The following HEMK2 variants were observed in gnomAD, a reference collection of about 807,000 sequenced individuals.
The protein encoded by HEMK2 is methyltransferase HEMK2.
chr21:28,646,468 T>G, the HEMK2 span, among the ~76,000 whole-genome samples: 1 of 152,302 alleles, frequency 6.6e-6, no homozygotes, highest in East Asian at 1.9e-4. Context: ...CTTCAAAGGT[T>G]TGACCCAAAT....
At chr21:28,703,855 A>G in the HEMK2 span, among the ~76,000 whole-genome samples, 1 of 152,236 alleles carries the variant, frequency 6.6e-6, no homozygotes, top group Non-Finnish European at 1.5e-5. Context: ...TAGTAACACT[A>G]TATTTAATGA....
chr21:28,620,614 T>C, the HEMK2 span, among the ~76,000 whole-genome samples: 2,049 of 151,118 alleles, frequency 0.014, 29 homozygotes, highest in Non-Finnish European at 0.022. Context: ...GTGGTGATAT[T>C]CCCTTTATCA....
the HEMK2 span, among the ~76,000 whole-genome samples, chr21:28,640,206 A>T: frequency 6.6e-6 from 1 of 152,182 alleles, no homozygotes; most frequent in African/African-American, 2.4e-5. Flanking sequence ...ACAGTGTGGA[A>T]TTAGAAAATG....
At chr21:28,814,659 T>C in the HEMK2 span, among the ~76,000 whole-genome samples, 9 of 151,588 alleles carry the variant, frequency 5.9e-5, no homozygotes, top group Non-Finnish European at 7.4e-5. Context: ...ATCAGAGAAA[T>C]GCAAATCAAA....
the HEMK2 span, among the ~76,000 whole-genome samples, chr21:28,629,850 G>C: frequency 6.6e-6 from 1 of 152,092 alleles, no homozygotes; most frequent in Non-Finnish European, 1.5e-5. Flanking sequence ...TCAGGGGATC[G>C]AAGGACAAGC....
At chr21:28,865,352 G>A in the HEMK2 span, among the ~76,000 whole-genome samples, 2 of 152,096 alleles carry the variant, frequency 1.3e-5, no homozygotes, top group African/African-American at 2.4e-5. Context: ...TTTTAGTAGA[G>A]ATGTGGATTC....
At chr21:28,671,116 G>C in the HEMK2 span, 1 of 152,238 alleles carries the variant, frequency 6.6e-6, no homozygotes, top group African/African-American at 2.4e-5. Context: ...ACAAGGAGGG[G>C]CAAGAGCCTT....
At chr21:28,727,176 AG>A in the HEMK2 span, among the ~76,000 whole-genome samples, 2 of 152,196 alleles carry the variant, frequency 1.3e-5, no homozygotes, top group African/African-American at 4.8e-5. Flanking sequence ...AAGCAAATAT[AG>A]GGGATTTGAG....
chr21:28,796,712 A>G, the HEMK2 span, among the ~76,000 whole-genome samples: 4 of 152,176 alleles, frequency 2.6e-5, 1 homozygote, highest in African/African-American at 9.6e-5. Context: ...CCACAGGTAC[A>G]TGCCACTATA....
chr21:28,677,712 A>T, the HEMK2 span, among the ~76,000 whole-genome samples: 1 of 151,992 alleles, frequency 6.6e-6, no homozygotes, highest in Admixed American at 6.5e-5. Context: ...CCAGAGGAAC[A>T]ATCAGGCAGC....
At chr21:28,772,149 A>G in the HEMK2 span, among the ~76,000 whole-genome samples, 1 of 152,170 alleles carries the variant, frequency 6.6e-6, no homozygotes, top group East Asian at 1.9e-4. Flanking sequence ...CTGAAATCAA[A>G]GCCTAATTAG....
chr21:28,841,391 A>ATATTAT, the HEMK2 span, among the ~76,000 whole-genome samples: 4 of 29,248 alleles, frequency 1.4e-4, no homozygotes, highest in African/African-American at 2.3e-4. Flanking sequence ...TAATATATAA[A>ATATTAT]ATATTATATA....
At chr21:28,613,089 TAGATAGAA>T in the HEMK2 span, among the ~76,000 whole-genome samples, 1 of 150,474 alleles carries the variant, frequency 6.6e-6, no homozygotes, top group Non-Finnish European at 1.5e-5. Flanking sequence ...GATAGATAGA[TAGATAGAA>T]AGATAGATAG....
the HEMK2 span, among the ~76,000 whole-genome samples, chr21:28,851,214 G>C: frequency 6.6e-6 from 1 of 152,190 alleles, no homozygotes; most frequent in African/African-American, 2.4e-5. Context: ...CCTAGAGGCT[G>C]CCACTGTGTT....
At chr21:28,777,665 G>A in the HEMK2 span, among the ~76,000 whole-genome samples, 9 of 152,110 alleles carry the variant, frequency 5.9e-5, no homozygotes, top group East Asian at 1.9e-4. Flanking sequence ...TAAAGAACAC[G>A]TTTGGCAAGA....
chr21:28,644,229 GGAA>G, the HEMK2 span, among the ~76,000 whole-genome samples: 4 of 152,194 alleles, frequency 2.6e-5, no homozygotes, highest in Non-Finnish European at 4.4e-5. Flanking sequence ...CAAGGTGGCA[GGAA>G]GAAGAATAAC....
At chr21:28,694,954 G>A in the HEMK2 span, among the ~76,000 whole-genome samples, 3 of 151,130 alleles carry the variant, frequency 2.0e-5, no homozygotes, top group Non-Finnish European at 4.4e-5. Flanking sequence ...GCCGAGATGG[G>A]GTCACTGCAC....
At chr21:28,663,693 T>C in the HEMK2 span, among the ~76,000 whole-genome samples, 5 of 152,250 alleles carry the variant, frequency 3.3e-5, no homozygotes, top group Admixed American at 1.3e-4. Context: ...TTTTTTGTTA[T>C]TGTCATTGAT....
At chr21:28,714,804 C>A in the HEMK2 span, among the ~76,000 whole-genome samples, 1 of 152,132 alleles carries the variant, frequency 6.6e-6, no homozygotes, top group Non-Finnish European at 1.5e-5. Context: ...TCTCTCCCCT[C>A]TAGTAGTCCC....
Sources: allele counts gnomAD v4.1 joint callset (sites outside exome capture counted in the v4.1 genomes callset), GRCh38; gene constraint gnomAD v4.1.1; transcripts MANE v1.5; gene names NCBI Gene and HGNC (gene_info 2026-07-23, HGNC 2026-07-21).